The following MAMSTR variants were observed in gnomAD, a reference collection of about 807,000 sequenced individuals.
The protein encoded by MAMSTR is MEF2 activating motif and SAP domain containing transcriptional regulator.
Under a neutral mutation model 42.7 loss-of-function variants are expected in MAMSTR, and 41 were observed. The observed-to-expected ratio is 0.96, with a 90% CI of 0.75 to 1.25. MAMSTR has a LOEUF of 1.25. MAMSTR is among the 50% of genes most tolerant of loss of function. The pLI is 0.00. For synonymous variants in MAMSTR, 265 were observed against 244.1 expected (o/e 1.09, Z -0.80); for missense variants, 567 against 557.6 (o/e 1.02, Z -0.17).
At chr19:48,716,495 G>C (rs1020877650) in intron 3 of MAMSTR, among the ~76,000 whole-genome samples, 2 of 152,112 alleles carry the variant, frequency 1.3e-5, no homozygotes, top group African/African-American at 4.8e-5. Flanking sequence ...CATTAGGGTG[G>C]AGAAGCAGGA....
intron 2 of MAMSTR, 149 bp from the exon 3 acceptor site, chr19:48,716,892 C>G: frequency 8.2e-7 from 1 of 1,219,978 alleles, no homozygotes; most frequent in Non-Finnish European, 1.0e-6. Flanking sequence ...GGGCGGGCAG[C>G]AGGCTCCCTT....
At chr19:48,707,311 G>C in the MAMSTR span, among the ~76,000 whole-genome samples, 3 of 152,012 alleles carry the variant, frequency 2.0e-5, no homozygotes, top group Admixed American at 2.0e-4. Context: ...AGCTACTCGG[G>C]AGGCTGAGGC....
intron 2 of MAMSTR, 24 bp downstream of exon 2, chr19:48,718,950 C>T (rs768503596): frequency 2.2e-5 from 34 of 1,540,892 alleles, no homozygotes; most frequent in Admixed American, 3.9e-5. Context: ...CCATCCCCCA[C>T]GCATAAAGAG....
intron 6 of MAMSTR, 68 bp downstream of exon 6, chr19:48,714,738 G>A (rs1288282490): frequency 7.3e-7 from 1 of 1,373,104 alleles, no homozygotes; most frequent in African/African-American, 1.4e-5. Context: ...GGCAGAGGCT[G>A]CGGGGTTGGA....
chr19:48,710,793 T>G (rs374104775), downstream of MAMSTR, among the ~76,000 whole-genome samples: 31 of 151,880 alleles, frequency 2.0e-4, 2 homozygotes, highest in East Asian at 2.7e-3. Context: ...TTCACCATAT[T>G]GGTCAGGCTA....
At chr19:48,718,380 CTTTTTTTTTTTT>C (rs796615883) in intron 2 of MAMSTR, among the ~76,000 whole-genome samples, 12 of 95,164 alleles carry the variant, frequency 1.3e-4, no homozygotes, top group African/African-American at 2.2e-4. Flanking sequence ...TTGCACACTT[CTTTTTTTTTTTT>C]TTTTTTTTTT....
Position 48,714,830 on chromosome 19 carries a change from CTGAAGTTCCAACT to C in MAMSTR, c.491_503del (p.Lys164ArgfsTer8). 6.2e-7 allele frequency: 1 copy of C among 1,611,830 alleles called. No individual in the cohort carries two copies. ...CCGTCAGCTCCTCCAGTTTAAGGGT[CTGAAGTTCCAACT>C]TGTGTGGGGGGGGCGAGGGGCTAGG... On this transcript the variant is annotated frameshift_variant, in exon 6 of 10. Transcript: ENST00000318083. LOFTEE classifies it high-confidence loss of function.
chr19:48,707,340 C>T, the MAMSTR span, among the ~76,000 whole-genome samples: 10 of 151,532 alleles, frequency 6.6e-5, no homozygotes, highest in East Asian at 3.9e-4. Flanking sequence ...TGCTTGAATC[C>T]GGGAGGTGGA....
downstream of MAMSTR, among the ~76,000 whole-genome samples, chr19:48,707,891 A>AAAGAAAG (rs2032675424): frequency 4.0e-5 from 4 of 99,418 alleles, no homozygotes; most frequent in East Asian, 2.2e-4. Context: ...AAGAAAGAAA[A>AAAGAAAG]GAAAGAAAGA....
At position 48,714,390 on chromosome 19, in the gene MAMSTR, C is replaced by CA; in HGVS notation, c.698dup (p.Ala234GlyfsTer74). ...CCGAGCCCTGACGCCGGGCGGCTGC[C>CA]AGGGCCTTGGGCTTGAGGCGCGGCC... On this transcript the variant is annotated frameshift_variant, in exon 7 of 10. Coordinates refer to ENST00000318083, the MANE Select transcript of MAMSTR (RefSeq NM_001130915.2). LOFTEE classifies it high-confidence loss of function. The CA allele has an allele frequency of 2.2e-6, 3 of 1,374,636 alleles. No homozygotes were observed. In the South Asian group the frequency reaches 5.2e-5, roughly 24 times the overall value. 85.2% of individuals were successfully genotyped at this position (1,374,636 alleles called of 1,614,324 possible). A position where few individuals can be genotyped will look rare whatever the true frequency, so the allele number is the denominator to read the frequency against.
At chr19:48,707,719 C>G in the MAMSTR span, among the ~76,000 whole-genome samples, 1 of 136,082 alleles carries the variant, frequency 7.3e-6, no homozygotes, top group African/African-American at 2.8e-5. Flanking sequence ...CCAGCCTGGG[C>G]AAAAGAGCGA....
chr19:48,709,471 G>T (rs1392313137), downstream of MAMSTR, among the ~76,000 whole-genome samples: 5 of 152,198 alleles, frequency 3.3e-5, no homozygotes, highest in Non-Finnish European at 7.3e-5. Context: ...TTTTCCACCT[G>T]CAGTGGACAG....
downstream of MAMSTR, among the ~76,000 whole-genome samples, chr19:48,707,847 G>GAAAGAAAA (rs2032668921): frequency 1.3e-5 from 1 of 78,170 alleles, no homozygotes; most frequent in Non-Finnish European, 2.7e-5. Context: ...AGGAAAGAAA[G>GAAAGAAAA]AAAGAAAGAA....
intron 3 of MAMSTR, 73 bp from the exon 4 acceptor site, chr19:48,715,840 A>T: frequency 6.7e-7 from 1 of 1,491,582 alleles, no homozygotes; most frequent in Non-Finnish European, 8.9e-7. Context: ...GGCTGTGTGG[A>T]AAGCGGGGCT....
Position 48,712,993 on chromosome 19 carries a change from T to C in MAMSTR, c.*274A>G. 1 of 402,222 alleles carries C rather than the reference T, an allele frequency of 2.5e-6. No individual in the cohort carries two copies. Among genetic ancestry groups the C allele is most frequent in the East Asian group, 4.6e-5 (1 of 21,552 alleles). 24.9% of individuals were successfully genotyped at this position (402,222 alleles called of 1,614,324 possible). On this transcript the variant is annotated 3_prime_UTR_variant, in exon 10 of 10. Transcript: ENST00000318083. ...GGGGCATGTAAGAACATCCATGAGGTCTCTGAAGGAAGCAGCAAGCAGCTT... is the reference window on the plus strand; with the variant it reads ...GGGGCATGTAAGAACATCCATGAGGCCTCTGAAGGAAGCAGCAAGCAGCTT...
chr19:48,715,939 G>A, intron 3 of MAMSTR, 172 bp from the exon 4 acceptor site: 1 of 1,404,950 alleles, frequency 7.1e-7, no homozygotes, highest in South Asian at 1.7e-5. Context: ...GGTGTGGGGG[G>A]GCTCCGGTTG....
At chr19:48,714,975 C>T in intron 5 of MAMSTR, 67 bp from the exon 6 acceptor site, 2 of 1,055,580 alleles carry the variant, frequency 1.9e-6, no homozygotes, top group South Asian at 3.0e-5. Context: ...TTCTGGGGTC[C>T]TCAAAGACGG....
intron 3 of MAMSTR, 118 bp downstream of exon 3, chr19:48,716,587 C>G (rs1034780319): frequency 4.2e-6 from 5 of 1,179,472 alleles, no homozygotes; most frequent in Non-Finnish European, 5.4e-6. Flanking sequence ...TTGGTCTGTC[C>G]CAGGGGATGG....
Position 48,713,050 on chromosome 19 carries a change from C to T in MAMSTR, c.*217G>A, listed in dbSNP as rs2032777296. 2.0e-6 allele frequency: 1 copy of T among 507,348 alleles called. No individual in the cohort carries two copies. The highest frequency in any genetic ancestry group is 3.4e-6 in the Non-Finnish European group (1 of 292,400). The allele number at this position is 507,348 out of a possible 1,614,324, so 31.4% of individuals were successfully genotyped here. ...CGTGGCCAGCAGCAAAAGAAGCCCC[C>T]CAACCATACCACGCCGGAGGGGGAT... On this transcript the variant is annotated 3_prime_UTR_variant, in exon 10 of 10. Transcript: ENST00000318083.
Sources: allele counts gnomAD v4.1 joint callset (sites outside exome capture counted in the v4.1 genomes callset), GRCh38; gene constraint gnomAD v4.1.1; transcripts MANE v1.5; gene names NCBI Gene and HGNC (gene_info 2026-07-23, HGNC 2026-07-21).